The following KIAA1755 variants were observed in gnomAD, a reference collection of about 807,000 sequenced individuals.
KIAA1755 encodes KIAA1755.
KIAA1755 carries 68 observed loss-of-function variants against 91.7 expected under a neutral mutation model. The observed-to-expected ratio is 0.74, with a 90% CI of 0.61 to 0.91. KIAA1755 has a LOEUF of 0.91. Ranked by LOEUF, KIAA1755 falls within the 40% of genes least tolerant of loss-of-function variation. The probability of loss-of-function intolerance (pLI) is 0.00; values close to 1 mark genes in which losing one functional copy is unlikely to be tolerated. For synonymous variants in KIAA1755, 610 were observed against 604.6 expected, an observed-to-expected ratio of 1.01 and a Z score of -0.13; for missense variants, 1,535 against 1,494.4, an observed-to-expected ratio of 1.03 and a Z score of -0.45.
At chr20:38,217,114 G>A (rs1006948264) in intron 13 of KIAA1755, 139 bp downstream of exon 13, 8 of 708,276 alleles carry the variant, frequency 1.1e-5, no homozygotes, top group African/African-American at 3.5e-5. Flanking sequence ...GGTGGGGGGG[G>A]GCTGTGTCTA....
intron 13 of KIAA1755, chr20:38,216,735 C>T (rs1332567304): frequency 2.3e-6 from 1 of 438,490 alleles, no homozygotes; most frequent in Non-Finnish European, 4.6e-6. Context: ...CATTGGTTCC[C>T]TGTCATCAAA....
intron 2 of KIAA1755, among the ~76,000 whole-genome samples, chr20:38,245,175 T>C (rs1405026891): frequency 6.6e-6 from 1 of 152,156 alleles, no homozygotes; most frequent in Admixed American, 6.5e-5. Flanking sequence ...ATCAGGATCC[T>C]TCCTTGAGAT....
At position 38,239,673 on chromosome 20, in the gene KIAA1755, C is replaced by A. The variant is rs1279899565; in HGVS notation, c.1602G>T (p.Leu534=). 2.5e-6 allele frequency: 4 copies of A among 1,610,122 alleles called. No individual in the cohort carries two copies. The highest frequency in any genetic ancestry group is 2.5e-6 in the Non-Finnish European group (3 of 1,178,830). The part of the protein sequence containing the change: ...TSGPATAPSP[L]TEEKAALPEA... Reference sequence around the variant, plus strand: ...CTGGCAAGGCAGCCTTTTCCTCAGTCAGTGGGCTGGGGGCAGTGGCTGGGC... The same window carrying A: ...CTGGCAAGGCAGCCTTTTCCTCAGTAAGTGGGCTGGGGGCAGTGGCTGGGC... The change falls in exon 4 of 14, where the codon CTG becomes CTT. Residue 534 remains leucine (L), a synonymous_variant. Coordinates refer to ENST00000279024, the MANE Select transcript of KIAA1755 (RefSeq NM_001029864.2).
chr20:38,227,097 G>T, intron 7 of KIAA1755, 57 bp downstream of exon 7: 2 of 1,334,128 alleles, frequency 1.5e-6, no homozygotes, highest in Non-Finnish European at 2.1e-6. Context: ...CTTAACCCCA[G>T]CTCAGCTCGA....
Position 38,218,181 on chromosome 20 carries a change from G to A in KIAA1755, c.2679+63C>T, listed in dbSNP as rs568134407. The A allele has an allele frequency of 5.1e-5, 82 of 1,604,632 alleles. 1 individual carries two copies. In the South Asian group the frequency reaches 8.3e-4, roughly 16 times the overall value. Reference sequence around the variant, plus strand: ...ACCTCCACAGCTTTGCCCTGGCAGTGCCACCCCCTCTAACGCCCTCTCCAT... The same window carrying A: ...ACCTCCACAGCTTTGCCCTGGCAGTACCACCCCCTCTAACGCCCTCTCCAT... On this transcript the variant is annotated intron_variant, in intron 12 of 13. Transcript: ENST00000279024.
In KIAA1755 at chr20:38,256,259, G is replaced by A. The variant is rs575043540; in HGVS notation, c.3+4239C>T. Among the ~76,000 whole-genome samples the A allele has an allele frequency of 3.3e-5, 5 of 152,156 alleles. No individual in the cohort carries two copies. The South Asian group carries it at 6.2e-4, about 19-fold the overall frequency. ...TGACCCTCCACTGCTCAACAACCTC[G>A]GGTGGCTCCCTATTGCCTTAGCAAC... On this transcript the variant is annotated intron_variant, in intron 1 of 13. Transcript: ENST00000279024.
intron 2 of KIAA1755, among the ~76,000 whole-genome samples, 165 bp from the exon 3 acceptor site, chr20:38,242,094 C>T (rs1568766918): frequency 6.6e-6 from 1 of 152,200 alleles, no homozygotes; most frequent in Non-Finnish European, 1.5e-5. Flanking sequence ...GTTGACTCTC[C>T]TGCCCCACCC....
chr20:38,217,588 C>T (rs1164194334), intron 12 of KIAA1755, 114 bp from the exon 13 acceptor site: 1 of 695,786 alleles, frequency 1.4e-6, no homozygotes, highest in South Asian at 1.8e-5. Flanking sequence ...TCCTGAGCTT[C>T]AGTTTCCTCA....
At chr20:38,249,921 C>A (rs191713675) in intron 1 of KIAA1755, among the ~76,000 whole-genome samples, 3 of 152,288 alleles carry the variant, frequency 2.0e-5, no homozygotes, top group African/African-American at 7.2e-5. Flanking sequence ...GAGACTTGGG[C>A]TCTGGCCTCT....
intron 2 of KIAA1755, among the ~76,000 whole-genome samples, chr20:38,244,266 G>A (rs1034059960): frequency 2.6e-5 from 4 of 152,204 alleles, no homozygotes; most frequent in African/African-American, 9.7e-5. Context: ...ATAGTGTCAT[G>A]TGGAAGTGGC....
At position 38,248,788 on chromosome 20, in the gene KIAA1755, T is replaced by C. The variant is rs188794142; in HGVS notation, c.4-2662A>G. 7.5e-4 allele frequency among the ~76,000 whole-genome samples: 114 copies of C among 152,016 alleles called. No individual in the cohort carries two copies. In the East Asian group the frequency reaches 8.9e-3, roughly 12 times the overall value. On this transcript the variant is annotated intron_variant, in intron 1 of 13. Coordinates refer to ENST00000279024, the MANE Select transcript of KIAA1755 (RefSeq NM_001029864.2). ...ATCTCTGCTTGCTGCAGCCTCCGCC[T>C]TCTGGGTTGAAGCGATTCTCCTGCC...
rs1312196795 is a variant in KIAA1755, at chr20:38,222,541, G to A, written c.2325C>T (p.Asp775=). 2 of 1,613,572 alleles carry A rather than the reference G, an allele frequency of 1.2e-6. No individual in the cohort carries two copies. The highest frequency in any genetic ancestry group is 1.7e-5 in the Admixed American group (1 of 60,024). ...CCCGCTGGAGGCCCAGTAGGCCGGGGTCCCTCAGCACAGCCTCCATCAGCT... is the reference window on the plus strand; with the variant it reads ...CCCGCTGGAGGCCCAGTAGGCCGGGATCCCTCAGCACAGCCTCCATCAGCT... ...SKELMEAVLR[D]PGLLGLQREG... is the part of the protein sequence containing the mutation. The change falls in exon 10 of 14, where the codon GAC becomes GAT. Residue 775 remains aspartate, a synonymous_variant. Transcript: ENST00000279024.
chr20:38,255,466 A>G (rs922328726), intron 1 of KIAA1755, among the ~76,000 whole-genome samples: 27 of 152,210 alleles, frequency 1.8e-4, no homozygotes, highest in African/African-American at 6.5e-4. Flanking sequence ...ATTTTTCAGT[A>G]AAACCTCCCA....
At chr20:38,217,057 C>T (rs2075556858) in intron 13 of KIAA1755, 196 bp downstream of exon 13, 3 of 639,596 alleles carry the variant, frequency 4.7e-6, no homozygotes, top group Non-Finnish European at 8.5e-6. Flanking sequence ...TATCCCTGTC[C>T]CTGCTGTGCC....
intron 12 of KIAA1755, 78 bp downstream of exon 12, chr20:38,218,166 C>T: frequency 6.3e-7 from 1 of 1,589,384 alleles, no homozygotes; most frequent in Non-Finnish European, 8.6e-7. Flanking sequence ...ACCTCCACAG[C>T]TTTGCCCTGG....
Position 38,240,994 on chromosome 20 carries a change from G to A in KIAA1755, c.1137C>T (p.Asp379=), listed in dbSNP as rs41282822. 0.027 allele frequency: 43,784 copies of A among 1,614,096 alleles called. 785 individuals carry two copies. The highest frequency in any genetic ancestry group is 0.073 in the African/African-American group (5,495 of 75,020). The change falls in exon 3 of 14, where the codon GAC becomes GAT. Residue 379 remains aspartate, a synonymous_variant. Transcript: ENST00000279024. Reference sequence around the variant, plus strand: ...TGAGACCAGAGGCACAGTCCAGTGCGTCCTCAAGGACATTCATGTAGGAGC... The same window carrying A: ...TGAGACCAGAGGCACAGTCCAGTGCATCCTCAAGGACATTCATGTAGGAGC... ...PQGSYMNVLE[D]ALDCASGLRA...
At position 38,223,594 on chromosome 20, in the gene KIAA1755, G is replaced by A; in HGVS notation, c.2212C>T (p.Leu738=). The A allele has an allele frequency of 6.2e-7, 1 of 1,603,360 alleles. No homozygotes were observed. The highest frequency in any genetic ancestry group is 2.3e-5 in the East Asian group (1 of 43,716). Residue 738 remains leucine (L), a synonymous_variant, in exon 9 of 14, where the codon CTG becomes TTG. Coordinates refer to ENST00000279024, the MANE Select transcript of KIAA1755 (RefSeq NM_001029864.2). ...AATTCCTCGATGGAAGCTTGTAGCA[G>A]GGAAGAGGCCTGGTGGAGGTCAGCA... ...FLADLHQASS[L]LQASIEEFEK... is the part of the protein sequence containing the mutation.
rs1274826199 is a variant in KIAA1755, at chr20:38,222,790, C to G, written c.2269-193G>C. 3 of 644,812 alleles carry G rather than the reference C, an allele frequency of 4.7e-6. No individual in the cohort carries two copies. In the African/African-American group the frequency reaches 5.4e-5, roughly 12 times the overall value. The allele number at this position is 644,812 out of a possible 1,614,324, so 39.9% of individuals were successfully genotyped here. A position where few individuals can be genotyped will look rare whatever the true frequency, so the allele number is the denominator to read the frequency against. Reference sequence around the variant, plus strand: ...CGTCACCACGGCAACCTCATTGGTCCACCCTCCAGCATCTCTTGCTGGGAC... The same window carrying G: ...CGTCACCACGGCAACCTCATTGGTCGACCCTCCAGCATCTCTTGCTGGGAC... On this transcript the variant is annotated intron_variant, in intron 9 of 13. Coordinates refer to ENST00000279024, the MANE Select transcript of KIAA1755 (RefSeq NM_001029864.2).
chr20:38,213,673 C>T lies in KIAA1755; in HGVS notation c.2972G>A (p.Ser991Asn), dbSNP rs1429712332. The change falls in exon 14 of 14, where the codon AGT becomes AAT. Residue 991 changes from serine to asparagine, a missense_variant. By Grantham distance (46) the Ser-to-Asn change is conservative (BLOSUM62 1). Coordinates refer to ENST00000279024, the MANE Select transcript of KIAA1755 (RefSeq NM_001029864.2). ...GTGGAGGCGGCGCTGGTCCCCAGGA[C>T]TGACCCTTGAGGTCTTGTCCAGCCT... ...QLRLDKTSRVSPGDQRRLHRY... is the reference protein window; with the variant it reads ...QLRLDKTSRVNPGDQRRLHRY... 3.8e-6 allele frequency: 6 copies of T among 1,591,306 alleles called. 1 individual carries two copies. The Admixed American group carries it at 1.0e-4, about 28-fold the overall frequency.
Sources: gnomAD v4.1 joint callset for allele counts (sites outside exome capture counted in the v4.1 genomes callset) on GRCh38, gnomAD v4.1.1 for gene constraint, MANE v1.5 for transcripts, NCBI Gene and HGNC (gene_info 2026-07-23, HGNC 2026-07-21) for gene names.